DIAPH2: variants seen among roughly 807,000 people sequenced by gnomAD.
DIAPH2 encodes the protein diaphanous related formin 2.
DIAPH2 carries 35 observed loss-of-function variants against 92.7 expected under a neutral mutation model. The observed-to-expected ratio is 0.38, with a 90% CI of 0.29 to 0.50. DIAPH2 has a LOEUF of 0.50. DIAPH2 is among the 20% of genes least tolerant of loss of function. The pLI is 0.94. For missense variants in DIAPH2, 701 were observed against 819.5 expected, an observed-to-expected ratio of 0.86 and a Z score of 1.77; for synonymous variants, 301 against 280.4, an observed-to-expected ratio of 1.07 and a Z score of -0.73.
Position 96,707,674 on chromosome X carries a change from A to G in DIAPH2, c.132+22484A>G, listed in dbSNP as rs772020701. Among the ~76,000 whole-genome samples the G allele has an allele frequency of 2.6e-3, 282 of 109,525 alleles. 1 individual carries two copies. Among genetic ancestry groups the G allele is most frequent in the African/African-American group, 8.9e-3 (267 of 30,046 alleles). ...AAAAAATAAATAAGTAAAAGAATAC[A>G]TATGTACTCGTCTCAAAAGAAAAAA... On this transcript the variant is annotated intron_variant, in intron 1 of 26. Coordinates refer to ENST00000324765, the MANE Select transcript of DIAPH2 (RefSeq NM_006729.5).
chrX:97,446,971 G>A (rs2147790866), intron 26 of DIAPH2, among the ~76,000 whole-genome samples: 1 of 110,658 alleles, frequency 9.0e-6, no homozygotes, highest in Admixed American at 9.7e-5. Flanking sequence ...AAGGGTAGTG[G>A]TTAGGTGGAA....
In DIAPH2 at chrX:96,958,027, C is replaced by T. The variant is rs1286376594; in HGVS notation, c.1814C>T (p.Pro605Leu). ...CCACTTTTATTTGGGGGACCTCCTCCACCACCACCCCTTGGAGGAGTTCCT... is the reference window on the plus strand; with the variant it reads ...CCACTTTTATTTGGGGGACCTCCTCTACCACCACCCCTTGGAGGAGTTCCT... ...PPPLLFGGPP[P>L]PPPLGGVPPP... The change falls in exon 16 of 27, where the codon CCA (proline) becomes CTA (leucine). Residue 605 changes from proline (P) to leucine (L), a missense_variant. Pro to Leu is a moderately conservative substitution (Grantham distance 98, BLOSUM62 -3). Around this residue, in one of 3 missense-constraint regions of DIAPH2, gnomAD observed 536 missense variants for 599.3 expected, o/e 0.89. Coordinates refer to ENST00000324765, the MANE Select transcript of DIAPH2 (RefSeq NM_006729.5). 8.3e-7 allele frequency: 1 copy of T among 1,211,686 alleles called. No homozygotes were observed.
At chrX:96,847,926 C>CT (rs905244649) in intron 4 of DIAPH2, among the ~76,000 whole-genome samples, 6 of 111,533 alleles carry the variant, frequency 5.4e-5, no homozygotes, top group Non-Finnish European at 1.1e-4. Flanking sequence ...TGATATGATT[C>CT]TATATTACTT....
chrX:96,996,448 T>G (rs929299772), intron 17 of DIAPH2, among the ~76,000 whole-genome samples: 3 of 111,786 alleles, frequency 2.7e-5, no homozygotes, highest in African/African-American at 9.7e-5. Flanking sequence ...CTTGATGCAT[T>G]TAAACTCTTT....
rs777728711 is a variant in DIAPH2, at chrX:96,718,600, C to T, written c.133-17158C>T. 2.6e-4 allele frequency among the ~76,000 whole-genome samples: 29 copies of T among 109,457 alleles called. No individual in the cohort carries two copies. In the East Asian group the frequency reaches 5.2e-3, roughly 19 times the overall value. ...AACTCCTGACCTCAGGTAATCCACC[C>T]GCCTCAGCCTCCCAAAATGCTGGGA... is the stretch of plus-strand genomic sequence containing the variant. On this transcript the variant is annotated intron_variant, in intron 1 of 26. Transcript: ENST00000324765.
At chrX:97,349,082 ATTTT>A (rs201110907) in intron 24 of DIAPH2, among the ~76,000 whole-genome samples, 152 of 86,105 alleles carry the variant, frequency 1.8e-3, no homozygotes, top group African/African-American at 7.0e-3. Context: ...ATATATATAT[ATTTT>A]TTTTTTTTTT....
At chrX:96,951,139 G>A (rs2065771982) in intron 15 of DIAPH2, among the ~76,000 whole-genome samples, 2 of 110,837 alleles carry the variant, frequency 1.8e-5, no homozygotes, top group African/African-American at 6.5e-5. Flanking sequence ...TTTGACCACA[G>A]CACCCTTTAT....
chrX:97,178,127 TG>T (rs1168816496), intron 22 of DIAPH2, among the ~76,000 whole-genome samples: 7 of 109,162 alleles, frequency 6.4e-5, no homozygotes, highest in African/African-American at 2.3e-4. Flanking sequence ...TGGGGGGCCT[TG>T]GGGGGAATGC....
rs745982261 is a variant in DIAPH2 at position 97,603,266 on chromosome X, T to A, written c.*3949T>A. On this transcript the variant is annotated 3_prime_UTR_variant, in exon 27 of 27. Coordinates refer to ENST00000324765, the MANE Select transcript of DIAPH2 (RefSeq NM_006729.5). ...TTTCTCTTTAAAAAAAAATTTTTTT[T>A]AATGTATTAGAGATGAGGTCTCACT... The A allele has an allele frequency of 2.7e-3, 297 of 110,681 alleles. 1 individual carries two copies. Among genetic ancestry groups the A allele is most frequent in the African/African-American group, 9.6e-3 (290 of 30,328 alleles). 9.1% of individuals were successfully genotyped at this position (110,681 alleles called of 1,213,427 possible).
intron 11 of DIAPH2, among the ~76,000 whole-genome samples, chrX:96,938,924 C>T (rs2065675327): frequency 9.0e-6 from 1 of 111,632 alleles, no homozygotes; most frequent in South Asian, 3.7e-4. Context: ...TCTATCACAA[C>T]TACAGGGAGA....
chrX:96,969,582 G>A (rs1173432171), intron 17 of DIAPH2, among the ~76,000 whole-genome samples: 1 of 110,627 alleles, frequency 9.0e-6, no homozygotes, highest in African/African-American at 3.3e-5. Context: ...TGTAAGTTGA[G>A]TTTGTATTTT....
At chrX:96,949,671 G>A (rs932688012) in intron 15 of DIAPH2, among the ~76,000 whole-genome samples, 5 of 80,406 alleles carry the variant, frequency 6.2e-5, no homozygotes, top group Admixed American at 3.2e-4. Flanking sequence ...GTGAAACCCC[G>A]CCTCCACTAA....
chrX:96,718,457 G>A (rs113728430), intron 1 of DIAPH2, among the ~76,000 whole-genome samples: 3 of 95,760 alleles, frequency 3.1e-5, no homozygotes, highest in Non-Finnish European at 4.0e-5. Context: ...ACGTTCAAGC[G>A]ATTCTCCTGC....
intron 26 of DIAPH2, among the ~76,000 whole-genome samples, chrX:97,520,838 A>G (rs920604441): frequency 2.7e-5 from 3 of 112,362 alleles, no homozygotes; most frequent in African/African-American, 9.7e-5. Flanking sequence ...ACGAAGTACA[A>G]CATTGTCTTT....
intron 10 of DIAPH2, among the ~76,000 whole-genome samples, chrX:96,932,576 T>C (rs1286373714): frequency 9.0e-6 from 1 of 111,174 alleles, no homozygotes; most frequent in Non-Finnish European, 1.9e-5. Context: ...TATAGCCCTA[T>C]ATAAAACTTT....
At chrX:96,723,685 T>C (rs1383459547) in intron 1 of DIAPH2, among the ~76,000 whole-genome samples, 1 of 112,043 alleles carries the variant, frequency 8.9e-6, no homozygotes, top group Non-Finnish European at 1.9e-5. Context: ...TAACTCCATA[T>C]GTTTCATCAG....
Position 96,685,078 on chromosome X carries a change from C to T in DIAPH2, c.20C>T (p.Ala7Val). Residue 7 changes from alanine to valine, a missense_variant, in exon 1 of 27, where the codon GCG (alanine) becomes GTG (valine). Around this residue, in one of 3 missense-constraint regions of DIAPH2, gnomAD observed 131 missense variants for 145.6 expected, o/e 0.90. Transcript: ENST00000324765. The part of the protein sequence containing the change: MEQPGA[A>V]ASGAGGGSEE... ...AGAAAGATGGAGCAGCCCGGGGCGGCGGCGTCGGGAGCGGGAGGCGGCAGC... is the reference window on the plus strand; with the variant it reads ...AGAAAGATGGAGCAGCCCGGGGCGGTGGCGTCGGGAGCGGGAGGCGGCAGC... 9.9e-7 allele frequency: 1 copy of T among 1,005,590 alleles called. No individual in the cohort carries two copies. The allele number at this position is 1,005,590 out of a possible 1,213,427, so 82.9% of individuals were successfully genotyped here. A position where few individuals can be genotyped will look rare whatever the true frequency, so the allele number is the denominator to read the frequency against.
intron 26 of DIAPH2, among the ~76,000 whole-genome samples, chrX:97,543,832 A>G (rs1410764716): frequency 9.0e-6 from 1 of 111,331 alleles, no homozygotes; most frequent in African/African-American, 3.3e-5. Flanking sequence ...AATGTCCACC[A>G]TTGTATAGTG....
intron 12 of DIAPH2, among the ~76,000 whole-genome samples, chrX:96,939,728 G>A (rs1216109918): frequency 1.7e-5 from 1 of 59,175 alleles, no homozygotes; most frequent in African/African-American, 8.1e-5. Flanking sequence ...GCAGTGGCGC[G>A]ATCTCGACTC....
Sources: gnomAD v4.1 joint callset for allele counts (sites outside exome capture counted in the v4.1 genomes callset) on GRCh38, gnomAD v4.1.1 for gene constraint, gnomAD v4.1.1 regional missense constraint, MANE v1.5 for transcripts, NCBI Gene and HGNC (gene_info 2026-07-23, HGNC 2026-07-21) for gene names.